Variants in NHS observed in about 807,000 individuals in gnomAD.
NHS encodes actin remodeling regulator NHS.
Under a neutral mutation model 72.5 loss-of-function variants are expected in NHS, and 5 were observed. The observed-to-expected ratio is 0.07, with a 90% CI of 0.04 to 0.14. The LOEUF (loss-of-function observed/expected upper bound fraction) is 0.14. NHS is among the 10% of genes least tolerant of loss of function. NHS has a pLI of 1.00. For synonymous variants in NHS, 464 were observed against 547.7 expected (o/e 0.85, Z 2.13); for missense variants, 1,072 against 1,355.7 (o/e 0.79, Z 3.29).
In NHS at chrX:17,704,253, G is replaced by C. The variant is rs866834135; in HGVS notation, c.852+11785G>C. On this transcript the variant is annotated intron_variant, in intron 3 of 8. Transcript: ENST00000676302. ...TGATGGCACCATTGCACTCCAGCCT[G>C]GGTGACAGAGTGAGACTCTATCTCT... Among the ~76,000 whole-genome samples, 22 of 109,866 alleles carry C rather than the reference G, an allele frequency of 2.0e-4. No homozygotes were observed. In the Middle Eastern group the frequency reaches 0.019, roughly 97 times the overall value.
chrX:17,673,983 A>C (rs1329543952), intron 1 of NHS, among the ~76,000 whole-genome samples: 2 of 111,612 alleles, frequency 1.8e-5, no homozygotes, highest in African/African-American at 3.3e-5. Flanking sequence ...ATTATCACCT[A>C]ATTTGTCTAA....
rs1241984077 is a variant in NHS at position 17,720,396 on chromosome X, A to G, written c.915+990A>G. ...TTGATGATCCTAATTTTAGGGCAGA[A>G]TATTATTAAAGTCTTACTGGGATAA... On this transcript the variant is annotated intron_variant, in intron 4 of 8. Transcript: ENST00000676302. 4.4e-5 allele frequency among the ~76,000 whole-genome samples: 5 copies of G among 112,415 alleles called. No homozygotes were observed. The Admixed American group carries it at 4.7e-4, about 11-fold the overall frequency.
intron 3 of NHS, among the ~76,000 whole-genome samples, chrX:17,699,690 C>G (rs759197623): frequency 8.1e-5 from 9 of 111,677 alleles, no homozygotes; most frequent in Admixed American, 7.6e-4. Flanking sequence ...AAAATCACCT[C>G]TAGTTAAAAA....
chrX:17,564,960 T>C (rs1333496273), intron 1 of NHS, among the ~76,000 whole-genome samples: 1 of 109,140 alleles, frequency 9.2e-6, no homozygotes, highest in Non-Finnish European at 1.9e-5. Context: ...GCAAATTGGG[T>C]ACAGCCACAT....
At position 17,635,479 on chromosome X, in the gene NHS, C is replaced by G. The variant is rs7884177; in HGVS notation, c.566-52263C>G. Reference sequence around the variant, plus strand: ...CCCCCGCCGTGCTTGCTGACTTAAGCAGATCAGCTTTCAGCTCTCTGGCAT... The same window carrying G: ...CCCCCGCCGTGCTTGCTGACTTAAGGAGATCAGCTTTCAGCTCTCTGGCAT... On this transcript the variant is annotated intron_variant, in intron 1 of 8. Transcript: ENST00000676302. 16,834 of 1,165,478 alleles carry G rather than the reference C, an allele frequency of 0.014. 1,354 individuals are homozygous for G. The African/African-American group carries it at 0.25, about 17-fold the overall frequency.
chrX:17,432,704 C>T (rs185628362), intron 1 of NHS, among the ~76,000 whole-genome samples: 1 of 110,987 alleles, frequency 9.0e-6, no homozygotes, highest in Non-Finnish European at 1.9e-5. Context: ...AATTCATCCC[C>T]TTTGGAAACA....
chrX:17,615,393 C>T (rs2065740182), intron 1 of NHS, among the ~76,000 whole-genome samples: 1 of 105,627 alleles, frequency 9.5e-6, no homozygotes, highest in Admixed American at 1.0e-4. Flanking sequence ...GCTGGGACTA[C>T]AGGTGCATGA....
intron 1 of NHS, among the ~76,000 whole-genome samples, chrX:17,478,408 A>G (rs773330905): frequency 8.9e-6 from 1 of 112,191 alleles, no homozygotes; most frequent in African/African-American, 3.2e-5. Flanking sequence ...TGCTTTATAA[A>G]TGAATGGGCT....
Position 17,405,366 on chromosome X carries a change from G to A in NHS, c.565+29044G>A, listed in dbSNP as rs189764523. 1.1e-4 allele frequency among the ~76,000 whole-genome samples: 12 copies of A among 112,234 alleles called. No individual in the cohort carries two copies. In the East Asian group the frequency reaches 3.4e-3, roughly 32 times the overall value. On this transcript the variant is annotated intron_variant, in intron 1 of 8. Coordinates refer to ENST00000676302, the MANE Select transcript of NHS (RefSeq NM_001291867.2). ...GTGGGTCTCTGCATGCCACCAGTTA[G>A]TGCCTGCCTGGAATGTGGTAGGAGC...
At chrX:17,686,132 G>C (rs1358111078) in intron 1 of NHS, among the ~76,000 whole-genome samples, 2 of 112,255 alleles carry the variant, frequency 1.8e-5, no homozygotes, top group African/African-American at 6.5e-5. Flanking sequence ...TCTCAAACCT[G>C]CCTGATGATA....
At chrX:17,406,027 A>T (rs992630625) in intron 1 of NHS, among the ~76,000 whole-genome samples, 1 of 112,099 alleles carries the variant, frequency 8.9e-6, no homozygotes, top group Non-Finnish European at 1.9e-5. Flanking sequence ...CCAACAATTT[A>T]GTTTGAAAAT....
intron 3 of NHS, among the ~76,000 whole-genome samples, chrX:17,699,690 C>A (rs759197623): frequency 2.7e-5 from 3 of 111,624 alleles, no homozygotes; most frequent in Non-Finnish European, 5.6e-5. Context: ...AAAATCACCT[C>A]TAGTTAAAAA....
At chrX:17,648,212 C>T (rs1319802567) in intron 1 of NHS, among the ~76,000 whole-genome samples, 2 of 111,755 alleles carry the variant, frequency 1.8e-5, no homozygotes, top group Non-Finnish European at 1.9e-5. Flanking sequence ...CTATAGTCAG[C>T]TGGGGCTGAA....
intron 1 of NHS, chrX:17,557,277 A>T (rs1166272362): frequency 9.5e-6 from 1 of 104,882 alleles, no homozygotes; most frequent in African/African-American, 3.5e-5. Flanking sequence ...GGGTGTAAAT[A>T]TCCCAGCTCC....
chrX:17,682,629 G>C (rs1207090125), intron 1 of NHS, among the ~76,000 whole-genome samples: 1 of 111,636 alleles, frequency 9.0e-6, no homozygotes, highest in African/African-American at 3.3e-5. Context: ...ACCACATGTA[G>C]CAGTCAAACT....
chrX:17,653,721 T>C (rs2065940848), intron 1 of NHS, among the ~76,000 whole-genome samples: 1 of 111,409 alleles, frequency 9.0e-6, no homozygotes, highest in Non-Finnish European at 1.9e-5. Context: ...TTGCCAGGGA[T>C]TGCTGTCGAG....
At chrX:17,723,770 T>TGTGTGTGTGTGCGCGCGC (rs541219770) in intron 5 of NHS, among the ~76,000 whole-genome samples, 4 of 91,337 alleles carry the variant, frequency 4.4e-5, no homozygotes, top group African/African-American at 2.0e-4. Flanking sequence ...TGTGTGTGTG[T>TGTGTGTGTGTGCGCGCGC]GCGCGCGCGT....
At chrX:17,424,657 T>C (rs2064641612) in intron 1 of NHS, among the ~76,000 whole-genome samples, 1 of 112,406 alleles carries the variant, frequency 8.9e-6, no homozygotes, top group East Asian at 2.8e-4. Flanking sequence ...CCAGGTTTAC[T>C]CAATCATTTG....
chrX:17,643,246 C>T (rs1166693331), intron 1 of NHS, among the ~76,000 whole-genome samples: 2 of 112,114 alleles, frequency 1.8e-5, no homozygotes, highest in Admixed American at 1.9e-4. Context: ...TCAGTTCTCT[C>T]TGGCTCCAAA....
Sources: allele counts gnomAD v4.1 joint callset (sites outside exome capture counted in the v4.1 genomes callset), GRCh38; gene constraint gnomAD v4.1.1; transcripts MANE v1.5; gene names NCBI Gene and HGNC (gene_info 2026-07-23, HGNC 2026-07-21).